RNF43: variants seen among roughly 807,000 people sequenced by gnomAD.
The protein encoded by RNF43 is E3 ubiquitin-protein ligase RNF43.
RNF43 carries 37 observed loss-of-function variants against 78.4 expected under a neutral mutation model. That is an observed-to-expected ratio of 0.47 (90% CI 0.36 to 0.62). The LOEUF is 0.62. Ranked by LOEUF, RNF43 falls within the 20% of genes least tolerant of loss-of-function variation. The pLI is 0.00. For synonymous variants in RNF43, 347 were observed against 395.0 expected, an observed-to-expected ratio of 0.88 and a Z score of 1.44; for missense variants, 774 against 1,007.9, an observed-to-expected ratio of 0.77 and a Z score of 3.14.
At chr17:58,366,673 C>T (rs1453845707) in intron 3 of RNF43, among the ~76,000 whole-genome samples, 1 of 152,206 alleles carries the variant, frequency 6.6e-6, no homozygotes, top group Non-Finnish European at 1.5e-5. Flanking sequence ...TACTCTGTGT[C>T]TGTTGTTTTT....
At chr17:58,386,697 T>C (rs1305719067) in intron 2 of RNF43, among the ~76,000 whole-genome samples, 1 of 152,224 alleles carries the variant, frequency 6.6e-6, no homozygotes. Flanking sequence ...ATCCTATATA[T>C]CCTTCAAGGG....
intron 2 of RNF43, among the ~76,000 whole-genome samples, chr17:58,386,879 C>A (rs1331634961): frequency 6.6e-6 from 1 of 151,940 alleles, no homozygotes; most frequent in East Asian, 1.9e-4. Flanking sequence ...TCTCAAACTT[C>A]TGGCCTCAAG....
intron 2 of RNF43, among the ~76,000 whole-genome samples, chr17:58,386,167 C>A (rs773407631): frequency 1.7e-4 from 26 of 151,710 alleles, no homozygotes; most frequent in Non-Finnish European, 3.7e-4. Flanking sequence ...GTGGCTCATG[C>A]CTGTAATCCC....
chr17:58,370,448 T>A (rs1475518990), intron 3 of RNF43, among the ~76,000 whole-genome samples: 1 of 152,230 alleles, frequency 6.6e-6, no homozygotes, highest in Non-Finnish European at 1.5e-5. Context: ...CTGTGAGGGT[T>A]AAACACAACA....
chr17:58,357,587 G>C lies in RNF43; in HGVS notation c.2189C>G (p.Thr730Ser), dbSNP rs2143387233. Residue 730 changes from threonine (T) to serine (S), a missense_variant, in exon 9 of 10, where the codon ACT becomes AGT. Thr to Ser is a moderately conservative substitution (Grantham distance 58). Transcript: ENST00000407977. This position sits in a 1 kb window ranked among gnomAD's most constrained non-coding sequence, Gnocchi z 4.5. ...ATGTGGTTCCAGGGGCTGGCGAGGA[G>C]TCAGGCACAACCACACTGGCTGTGA... ...SNSQPVWLCL[T>S]PRQPLEPHPP... 1 of 1,614,214 alleles carries C rather than the reference G, an allele frequency of 6.2e-7. No homozygotes were observed. Among genetic ancestry groups the C allele is most frequent in the Non-Finnish European group, 8.5e-7 (1 of 1,180,020 alleles).
intron 3 of RNF43, among the ~76,000 whole-genome samples, chr17:58,368,978 C>A (rs1450846888): frequency 6.6e-6 from 1 of 151,990 alleles, no homozygotes; most frequent in Non-Finnish European, 1.5e-5. Flanking sequence ...AGAGAAGGCC[C>A]ACAGCTGTGG....
At chr17:58,396,217 T>C (rs1973677276) in intron 2 of RNF43, among the ~76,000 whole-genome samples, 2 of 152,176 alleles carry the variant, frequency 1.3e-5, no homozygotes, top group African/African-American at 2.4e-5. Context: ...CAACTGTTGA[T>C]AGAAGAAACG....
At chr17:58,407,315 A>G (rs537963043) in intron 2 of RNF43, among the ~76,000 whole-genome samples, 2 of 152,098 alleles carry the variant, frequency 1.3e-5, no homozygotes, top group Admixed American at 6.5e-5. Context: ...CCTGACTTCA[A>G]GTGATCCACC....
At chr17:58,391,155 G>A (rs1471149583) in intron 2 of RNF43, among the ~76,000 whole-genome samples, 1 of 152,218 alleles carries the variant, frequency 6.6e-6, no homozygotes, top group East Asian at 1.9e-4. Flanking sequence ...GGAGTACACT[G>A]AGGACCAAAC....
rs762404245 is a variant in RNF43 at position 58,357,330 on chromosome 17, G to A, written c.2308+138C>T. On this transcript the variant is annotated intron_variant, in intron 9 of 9. Coordinates refer to ENST00000407977, the MANE Select transcript of RNF43 (RefSeq NM_017763.6). The surrounding 1 kb of genome is among the most constrained non-coding windows in gnomAD (Gnocchi z 4.5). ...AGCCAGCATGATACGCTGTCCCGAT[G>A]GTTAAGTATTTTGGTTGTCATCTCT... 9.2e-7 allele frequency: 1 copy of A among 1,082,066 alleles called. No homozygotes were observed. The highest frequency in any genetic ancestry group is 1.4e-6 in the Non-Finnish European group (1 of 713,208). The allele number at this position is 1,082,066 out of a possible 1,614,324, so 67.0% of individuals were successfully genotyped here.
chr17:58,412,303 T>C (rs1199020698), intron 2 of RNF43, among the ~76,000 whole-genome samples: 1 of 151,956 alleles, frequency 6.6e-6, no homozygotes, highest in Non-Finnish European at 1.5e-5. Context: ...GGGAAAATAA[T>C]AAAATTTGGA....
chr17:58,398,572 T>C (rs1404137707), intron 2 of RNF43, among the ~76,000 whole-genome samples: 1 of 152,232 alleles, frequency 6.6e-6, no homozygotes, highest in African/African-American at 2.4e-5. Flanking sequence ...GCCACCAATA[T>C]TGCCAAACTG....
Position 58,405,693 on chromosome 17 carries a change from C to T in RNF43, c.252+9633G>A, listed in dbSNP as rs183299207. On this transcript the variant is annotated intron_variant, in intron 2 of 9. Coordinates refer to ENST00000407977, the MANE Select transcript of RNF43 (RefSeq NM_017763.6). Reference sequence around the variant, plus strand: ...GGTGACAGAGAGAGAGACCCTGTCTCTAATGACAGAAAGAAAGAAAGAAAG... The same window carrying T: ...GGTGACAGAGAGAGAGACCCTGTCTTTAATGACAGAAAGAAAGAAAGAAAG... 3.7e-5 allele frequency among the ~76,000 whole-genome samples: 4 copies of T among 107,816 alleles called. No individual in the cohort carries two copies. The East Asian group carries it at 9.6e-4, about 26-fold the overall frequency. 70.7% of individuals were successfully genotyped at this position (107,816 alleles called of 152,430 possible). A position where few individuals can be genotyped will look rare whatever the true frequency, so the allele number is the denominator to read the frequency against.
At chr17:58,390,061 G>A (rs1206153243) in intron 2 of RNF43, among the ~76,000 whole-genome samples, 1 of 152,194 alleles carries the variant, frequency 6.6e-6, no homozygotes, top group African/African-American at 2.4e-5. Context: ...AGGGCAGCAT[G>A]TCCTCATCCT....
chr17:58,412,822 GTT>G (rs573724897), intron 2 of RNF43, among the ~76,000 whole-genome samples: 1 of 144,582 alleles, frequency 6.9e-6, no homozygotes, highest in African/African-American at 2.5e-5. Flanking sequence ...TAACAACATG[GTT>G]TTTTTTTTTT....
At chr17:58,372,212 T>C (rs1973113131) in intron 2 of RNF43, among the ~76,000 whole-genome samples, 1 of 152,220 alleles carries the variant, frequency 6.6e-6, no homozygotes, top group African/African-American at 2.4e-5. Context: ...AAGCACACTT[T>C]CTGAAAGCTC....
At chr17:58,363,672 C>T (rs1972890927) in intron 3 of RNF43, 72 bp from the exon 4 acceptor site, 1 of 1,282,536 alleles carries the variant, frequency 7.8e-7, no homozygotes, top group Admixed American at 2.0e-5. Flanking sequence ...CTAGCCTCAC[C>T]CCTCACACAT....
At chr17:58,393,690 C>A (rs4793588) in intron 2 of RNF43, among the ~76,000 whole-genome samples, 129,648 of 152,206 alleles carry the variant, frequency 0.85, 55,566 homozygotes, top group East Asian at 1. Flanking sequence ...AATGTTTGCG[C>A]TTCATTGTAA....
At chr17:58,409,508 TAAAACA>T (rs1254710827) in intron 2 of RNF43, among the ~76,000 whole-genome samples, 5 of 152,136 alleles carry the variant, frequency 3.3e-5, no homozygotes, top group African/African-American at 1.2e-4. Context: ...GACTTTTTAA[TAAAACA>T]AAAACAAAAA....
Sources: allele counts gnomAD v4.1 joint callset (sites outside exome capture counted in the v4.1 genomes callset), GRCh38; gene constraint gnomAD v4.1.1; non-coding constraint Gnocchi (gnomAD v3.1); transcripts MANE v1.5; gene names NCBI Gene and HGNC (gene_info 2026-07-23, HGNC 2026-07-21).